Variants in C1QTNF7 observed in about 807,000 individuals in gnomAD.
C1QTNF7 encodes the protein complement C1q tumor necrosis factor-related protein 7.
C1QTNF7 carries 15 observed loss-of-function variants against 19.6 expected under a neutral mutation model. The observed-to-expected ratio is 0.76, with a 90% CI of 0.51 to 1.18. The LOEUF (loss-of-function observed/expected upper bound fraction) is 1.18. Among genes scored for constraint, C1QTNF7 ranks in the 50% most tolerant of loss-of-function variants. The probability of loss-of-function intolerance (pLI) is 0.00; values close to 1 mark genes in which losing one functional copy is unlikely to be tolerated. For synonymous variants in C1QTNF7, 142 were observed against 137.5 expected, an observed-to-expected ratio of 1.03 and a Z score of -0.23; for missense variants, 324 against 359.7, an observed-to-expected ratio of 0.90 and a Z score of 0.80.
chr4:15,400,407 G>A (rs1718941390), intron 1 of C1QTNF7, among the ~76,000 whole-genome samples: 1 of 152,226 alleles, frequency 6.6e-6, no homozygotes, highest in African/African-American at 2.4e-5. Context: ...TGATGCACAA[G>A]AAGACACATT....
chr4:15,425,510 C>A (rs1712000284), upstream of C1QTNF7, among the ~76,000 whole-genome samples: 1 of 152,138 alleles, frequency 6.6e-6, no homozygotes, highest in Non-Finnish European at 1.5e-5. Flanking sequence ...AGAGAAGATT[C>A]AATTCCTAAC....
intron 1 of C1QTNF7, among the ~76,000 whole-genome samples, chr4:15,365,840 T>C (rs1717497016): frequency 6.6e-6 from 1 of 152,144 alleles, no homozygotes; most frequent in African/African-American, 2.4e-5. Flanking sequence ...ATACTCACCC[T>C]TCAACTAATC....
chr4:15,427,327 A>T (rs996589870), upstream of C1QTNF7, among the ~76,000 whole-genome samples: 1 of 152,260 alleles, frequency 6.6e-6, no homozygotes, highest in Non-Finnish European at 1.5e-5. Flanking sequence ...GAAATATAAG[A>T]AATACATAGC....
chr4:15,433,630 G>A (rs999917515), intron 1 of C1QTNF7, among the ~76,000 whole-genome samples: 2 of 152,142 alleles, frequency 1.3e-5, no homozygotes, highest in Middle Eastern at 3.2e-3. Flanking sequence ...AATTCTGTGG[G>A]AAATGATTCT....
chr4:15,397,891 C>T (rs931950247), intron 1 of C1QTNF7, among the ~76,000 whole-genome samples: 1 of 152,178 alleles, frequency 6.6e-6, no homozygotes, highest in Non-Finnish European at 1.5e-5. Context: ...AGTTCTACTT[C>T]CAAGAATCCC....
chr4:15,436,881 G>C (rs1307169417), intron 2 of C1QTNF7, among the ~76,000 whole-genome samples: 1 of 152,164 alleles, frequency 6.6e-6, no homozygotes, highest in East Asian at 1.9e-4. Flanking sequence ...ATTTACTGGA[G>C]TTCTGTAAAA....
intron 1 of C1QTNF7, among the ~76,000 whole-genome samples, chr4:15,383,488 C>T (rs1360881108): frequency 6.6e-6 from 1 of 152,178 alleles, no homozygotes; most frequent in African/African-American, 2.4e-5. Flanking sequence ...AGGCAGAAAA[C>T]AAAAACAATT....
chr4:15,432,428 C>T (rs1487839236), intron 1 of C1QTNF7, among the ~76,000 whole-genome samples: 1 of 152,186 alleles, frequency 6.6e-6, no homozygotes, highest in African/African-American at 2.4e-5. Context: ...CAGGGTCTGG[C>T]TCTGTTGCTC....
chr4:15,371,989 A>G (rs1283470248), intron 1 of C1QTNF7, among the ~76,000 whole-genome samples: 15 of 152,190 alleles, frequency 9.9e-5, no homozygotes, highest in African/African-American at 3.6e-4. Context: ...TGGAGGCAGA[A>G]TGTGTCATGA....
At chr4:15,385,426 A>G (rs951949627) in intron 1 of C1QTNF7, among the ~76,000 whole-genome samples, 1 of 152,186 alleles carries the variant, frequency 6.6e-6, no homozygotes, top group African/African-American at 2.4e-5. Context: ...CCTCTGGGAG[A>G]ACAGCATTCT....
At chr4:15,441,061 G>A (rs1013719439) in intron 2 of C1QTNF7, among the ~76,000 whole-genome samples, 1 of 152,088 alleles carries the variant, frequency 6.6e-6, no homozygotes, top group African/African-American at 2.4e-5. Context: ...AGAATAGCTT[G>A]AACCTGGGAG....
chr4:15,415,285 A>AGAG (rs916303664), intron 1 of C1QTNF7, among the ~76,000 whole-genome samples: 5 of 152,236 alleles, frequency 3.3e-5, no homozygotes, highest in African/African-American at 1.2e-4. Flanking sequence ...AAGAAACAAA[A>AGAG]GAGGAGGAGG....
intron 2 of C1QTNF7, among the ~76,000 whole-genome samples, chr4:15,439,611 G>T (rs1417716323): frequency 6.6e-6 from 1 of 152,008 alleles, no homozygotes; most frequent in East Asian, 1.9e-4. Context: ...GAAATGACTC[G>T]CCCAAAATTT....
chr4:15,388,749 C>T (rs147066499), intron 1 of C1QTNF7, among the ~76,000 whole-genome samples: 1 of 152,294 alleles, frequency 6.6e-6, no homozygotes, highest in African/African-American at 2.4e-5. Context: ...CAAGTAGACA[C>T]TGAAATCACT....
chr4:15,407,419 T>G (rs567826995), intron 1 of C1QTNF7, among the ~76,000 whole-genome samples: 50 of 152,224 alleles, frequency 3.3e-4, no homozygotes, highest in Admixed American at 1.0e-3. Flanking sequence ...GAGTAAAATT[T>G]AGACCAGCTC....
intron 2 of C1QTNF7, among the ~76,000 whole-genome samples, chr4:15,437,490 A>C (rs1279309836): frequency 1.3e-5 from 2 of 152,226 alleles, no homozygotes; most frequent in Non-Finnish European, 1.5e-5. Flanking sequence ...GTGACTAGCA[A>C]AAGCCATATA....
chr4:15,392,842 G>T (rs919549317), intron 1 of C1QTNF7, among the ~76,000 whole-genome samples: 1 of 152,174 alleles, frequency 6.6e-6, no homozygotes, highest in African/African-American at 2.4e-5. Context: ...GAGTAACCGG[G>T]AAAACAGGTG....
chr4:15,383,556 A>G (rs903057537), intron 1 of C1QTNF7, among the ~76,000 whole-genome samples: 1 of 152,214 alleles, frequency 6.6e-6, no homozygotes, highest in Non-Finnish European at 1.5e-5. Flanking sequence ...TTCACTTGCA[A>G]TGGCCAATCT....
chr4:15,386,884 C>A (rs1428611178), intron 1 of C1QTNF7, among the ~76,000 whole-genome samples: 2 of 152,084 alleles, frequency 1.3e-5, no homozygotes, highest in Non-Finnish European at 2.9e-5. Context: ...GGCCTCCTGG[C>A]TCACTCTAAG....
Sources: allele counts gnomAD v4.1 joint callset (sites outside exome capture counted in the v4.1 genomes callset), GRCh38; gene constraint gnomAD v4.1.1; transcripts MANE v1.5; gene names NCBI Gene and HGNC (gene_info 2026-07-23, HGNC 2026-07-21).